NBEA: variants seen among roughly 807,000 people sequenced by gnomAD.
NBEA encodes lysosomal-trafficking regulator 2.
A neutral mutation model predicts 343.4 loss-of-function variants in NBEA; 44 were observed. The ratio of observed to expected loss-of-function variants is 0.13; its 90% CI spans 0.10 to 0.16. NBEA has a LOEUF of 0.16. Among genes scored for constraint, NBEA ranks in the 10% least tolerant of loss-of-function variants. NBEA has a pLI of 1.00. For synonymous variants in NBEA, 1,175 were observed against 1,238.7 expected, an observed-to-expected ratio of 0.95 and a Z score of 1.08; for missense variants, 2,555 against 3,631.3, an observed-to-expected ratio of 0.70 and a Z score of 7.62.
chr13:35,078,142 G>C (rs2064203003), intron 10 of NBEA, among the ~76,000 whole-genome samples: 1 of 152,148 alleles, frequency 6.6e-6, no homozygotes, highest in African/African-American at 2.4e-5. Context: ...CTGCTGTCAT[G>C]CAAGTGGACA....
chr13:35,011,127 G>T (rs2061483330), intron 1 of NBEA, among the ~76,000 whole-genome samples: 1 of 151,986 alleles, frequency 6.6e-6, no homozygotes. Flanking sequence ...GTATAGTCCT[G>T]AGGGTAGTTC....
intron 41 of NBEA, among the ~76,000 whole-genome samples, chr13:35,540,424 A>G (rs1056484279): frequency 1.3e-5 from 2 of 152,152 alleles, no homozygotes; most frequent in African/African-American, 2.4e-5. Context: ...ATCCCTTTGT[A>G]AAATAATAGC....
At chr13:35,436,533 AC>A (rs2045450265) in intron 39 of NBEA, among the ~76,000 whole-genome samples, 1 of 152,060 alleles carries the variant, frequency 6.6e-6, no homozygotes, top group African/African-American at 2.4e-5. Context: ...ACATGGTGAA[AC>A]CCTGTCTCTA....
At chr13:35,061,199 A>G (rs1400870032) in intron 8 of NBEA, among the ~76,000 whole-genome samples, 1 of 151,612 alleles carries the variant, frequency 6.6e-6, no homozygotes, top group African/African-American at 2.4e-5. Context: ...GTTCTGTCGA[A>G]TTTTTGGTTT....
chr13:35,454,739 A>G (rs2046472287), intron 40 of NBEA, among the ~76,000 whole-genome samples: 2 of 152,134 alleles, frequency 1.3e-5, no homozygotes, highest in Non-Finnish European at 1.5e-5. Flanking sequence ...GGGCACCTGT[A>G]GTCCCAGCTA....
intron 16 of NBEA, among the ~76,000 whole-genome samples, chr13:35,121,989 G>T (rs1593416262): frequency 6.6e-6 from 1 of 152,116 alleles, no homozygotes; most frequent in East Asian, 1.9e-4. Flanking sequence ...GTATATAGTT[G>T]TCATTGTCCC....
At chr13:35,300,132 A>G (rs1372326404) in intron 35 of NBEA, among the ~76,000 whole-genome samples, 1 of 152,178 alleles carries the variant, frequency 6.6e-6, no homozygotes, top group East Asian at 1.9e-4. Flanking sequence ...AGCTCTTAGA[A>G]TCAGTTACAT....
At position 35,600,483 on chromosome 13, in the gene NBEA, G is replaced by A. The variant is rs566059752; in HGVS notation, c.7297-5943G>A. 2.0e-5 allele frequency among the ~76,000 whole-genome samples: 3 copies of A among 152,198 alleles called. No individual in the cohort carries two copies. In the South Asian group the frequency reaches 6.2e-4, roughly 32 times the overall value. ...GACAGAACTTTTTTACTGAATTACA[G>A]GATGCACTTTGGTACTGGGTAAACT... On this transcript the variant is annotated intron_variant, in intron 47 of 58. Transcript: ENST00000379939.
intron 41 of NBEA, chr13:35,474,107 T>C (rs1333116212): frequency 6.6e-6 from 1 of 152,430 alleles, no homozygotes; most frequent in East Asian, 1.9e-4. Flanking sequence ...CATTAGCATA[T>C]TTCTCAAAAT....
intron 41 of NBEA, among the ~76,000 whole-genome samples, chr13:35,519,910 CTCTTTA>C (rs753328786): frequency 1.1e-3 from 160 of 152,298 alleles, no homozygotes; most frequent in Non-Finnish European, 1.8e-3. Context: ...TAACCAAACT[CTCTTTA>C]TCCCCACACC....
chr13:35,286,591 A>C (rs2152815397), intron 34 of NBEA, among the ~76,000 whole-genome samples: 1 of 152,272 alleles, frequency 6.6e-6, no homozygotes, highest in Non-Finnish European at 1.5e-5. Flanking sequence ...CAACAGATGT[A>C]AAAAGTTAGA....
At chr13:35,612,613 T>A (rs995742780) in intron 48 of NBEA, among the ~76,000 whole-genome samples, 1 of 152,202 alleles carries the variant, frequency 6.6e-6, no homozygotes, top group Non-Finnish European at 1.5e-5. Flanking sequence ...ATAATTTTAT[T>A]ACTGATGTGC....
chr13:35,126,919 C>G (rs1035114988), intron 17 of NBEA, among the ~76,000 whole-genome samples: 1 of 58,560 alleles, frequency 1.7e-5, no homozygotes, highest in South Asian at 6.5e-4. Context: ...GACTCCATCT[C>G]AAAAAAAAAA....
chr13:34,970,703 T>C (rs1476510969), intron 1 of NBEA, among the ~76,000 whole-genome samples: 1 of 152,072 alleles, frequency 6.6e-6, no homozygotes, highest in African/African-American at 2.4e-5. Flanking sequence ...GTGTGCATCA[T>C]ATTTCTGGGT....
chr13:35,402,686 G>A (rs1176847316), intron 38 of NBEA, among the ~76,000 whole-genome samples: 1 of 152,094 alleles, frequency 6.6e-6, no homozygotes, highest in Non-Finnish European at 1.5e-5. Flanking sequence ...TAGTTTAAAA[G>A]CAGATGTGTT....
chr13:35,230,447 A>G (rs931347794), intron 33 of NBEA, among the ~76,000 whole-genome samples: 7 of 152,170 alleles, frequency 4.6e-5, no homozygotes, highest in African/African-American at 1.7e-4. Context: ...AATAATTTTT[A>G]TAATTTTACT....
intron 45 of NBEA, among the ~76,000 whole-genome samples, chr13:35,577,615 AT>A (rs557413570): frequency 7.9e-5 from 12 of 151,890 alleles, no homozygotes; most frequent in African/African-American, 2.9e-4. Context: ...TTTGCATAAA[AT>A]TTTTTTCTAA....
chr13:35,276,563 T>C (rs902966180), intron 34 of NBEA, among the ~76,000 whole-genome samples: 2 of 152,186 alleles, frequency 1.3e-5, no homozygotes, highest in Non-Finnish European at 2.9e-5. Flanking sequence ...ACATGGAATC[T>C]TCAAGAAGCT....
At chr13:35,376,284 A>G (rs2041735831) in intron 38 of NBEA, among the ~76,000 whole-genome samples, 2 of 152,146 alleles carry the variant, frequency 1.3e-5, no homozygotes, top group Admixed American at 6.6e-5. Flanking sequence ...GAATGTTTCA[A>G]GTAATTCTGG....
Sources: allele counts gnomAD v4.1 joint callset (sites outside exome capture counted in the v4.1 genomes callset), GRCh38; gene constraint gnomAD v4.1.1; transcripts MANE v1.5; gene names NCBI Gene and HGNC (gene_info 2026-07-23, HGNC 2026-07-21).